The following EIPR1 variants were observed in gnomAD, a reference collection of about 807,000 sequenced individuals.
The protein encoded by EIPR1 is EARP complex and GARP complex interacting protein 1, also known as EARP and GARP complex-interacting protein 1.
In EIPR1, 25 loss-of-function variants were observed where a neutral mutation model predicts 48.1. The ratio of observed to expected loss-of-function variants is 0.52; its 90% CI spans 0.38 to 0.73. The LOEUF (loss-of-function observed/expected upper bound fraction) is 0.73. Among genes scored for constraint, EIPR1 ranks in the 30% least tolerant of loss-of-function variants. The pLI is 0.00. For missense variants in EIPR1, 415 were observed against 506.2 expected, an observed-to-expected ratio of 0.82 and a Z score of 1.73; for synonymous variants, 204 against 201.9, an observed-to-expected ratio of 1.01 and a Z score of -0.09.
chr2:3,268,263 G>A lies in EIPR1; in HGVS notation c.260-10808C>T, dbSNP rs145507792. 2.0e-5 allele frequency among the ~76,000 whole-genome samples: 3 copies of A among 152,318 alleles called. No individual in the cohort carries two copies. The East Asian group carries it at 5.8e-4, about 29-fold the overall frequency. On this transcript the variant is annotated intron_variant, in intron 3 of 8. Transcript: ENST00000382125. Reference sequence around the variant, plus strand: ...GGTTCCCTCTGAAGGCACCTGTGGGGCCTATCTGCACCCTGTCTATAGCCC... The same window carrying A: ...GGTTCCCTCTGAAGGCACCTGTGGGACCTATCTGCACCCTGTCTATAGCCC...
intron 3 of EIPR1, among the ~76,000 whole-genome samples, chr2:3,292,839 CAG>C (rs1668409864): frequency 6.9e-6 from 1 of 144,300 alleles, no homozygotes. Flanking sequence ...AGATATGAGA[CAG>C]AGAGCAAAAA....
intron 4 of EIPR1, chr2:3,214,541 G>A (rs968023018): frequency 1.2e-5 from 3 of 240,882 alleles, no homozygotes; most frequent in Admixed American, 5.5e-5. Context: ...CCTCACATCC[G>A]TCGTAAGTTT....
intron 3 of EIPR1, among the ~76,000 whole-genome samples, chr2:3,285,587 A>G (rs1423733783): frequency 6.6e-6 from 1 of 152,256 alleles, no homozygotes; most frequent in Non-Finnish European, 1.5e-5. Context: ...GGCAAAGCTC[A>G]GGAGGCACTG....
chr2:3,346,573 C>T (rs1670408848), intron 2 of EIPR1, among the ~76,000 whole-genome samples: 1 of 152,110 alleles, frequency 6.6e-6, no homozygotes, highest in African/African-American at 2.4e-5. Flanking sequence ...TCAGGGATCG[C>T]AAGGTGTCAA....
chr2:3,196,831 T>G (rs774704153), intron 6 of EIPR1, 50 bp downstream of exon 6: 14 of 1,602,238 alleles, frequency 8.7e-6, no homozygotes, highest in African/African-American at 1.3e-5. Flanking sequence ...CCGGTTCTGC[T>G]CGGTGAGGGA....
intron 3 of EIPR1, among the ~76,000 whole-genome samples, chr2:3,277,059 C>A (rs1269680233): frequency 1.3e-5 from 2 of 152,162 alleles, no homozygotes; most frequent in East Asian, 3.8e-4. Context: ...CAGGAAAACT[C>A]GGGTGAATGT....
chr2:3,318,499 G>A (rs1350946899), intron 3 of EIPR1, among the ~76,000 whole-genome samples: 2 of 152,184 alleles, frequency 1.3e-5, no homozygotes, highest in African/African-American at 4.8e-5. Context: ...TGAGGACAGA[G>A]AGATGATACA....
intron 3 of EIPR1, among the ~76,000 whole-genome samples, chr2:3,317,160 G>T (rs1487678228): frequency 6.6e-6 from 1 of 151,588 alleles, no homozygotes; most frequent in Non-Finnish European, 1.5e-5. Context: ...ATGAGGCACT[G>T]ACCAAGCTGA....
intron 4 of EIPR1, among the ~76,000 whole-genome samples, chr2:3,216,434 G>A (rs972590797): frequency 6.6e-6 from 1 of 152,154 alleles, no homozygotes; most frequent in Non-Finnish European, 1.5e-5. Flanking sequence ...CGCAGTGTAC[G>A]TCAGCACCAA....
At chr2:3,219,841 A>G (rs1665810230) in intron 4 of EIPR1, among the ~76,000 whole-genome samples, 2 of 152,142 alleles carry the variant, frequency 1.3e-5, no homozygotes, top group Non-Finnish European at 2.9e-5. Context: ...GTCCATGCAC[A>G]TGATGGCCCC....
At chr2:3,218,912 G>A (rs1665753580) in intron 4 of EIPR1, among the ~76,000 whole-genome samples, 3 of 145,438 alleles carry the variant, frequency 2.1e-5, no homozygotes, top group East Asian at 4.4e-4. Flanking sequence ...ACCCAACACG[G>A]CCCCGATACG....
At chr2:3,341,854 C>T (rs565388266) in intron 2 of EIPR1, among the ~76,000 whole-genome samples, 14 of 151,990 alleles carry the variant, frequency 9.2e-5, no homozygotes, top group South Asian at 2.1e-4. Context: ...CAGGCAGAAA[C>T]GCATTAGAAT....
At chr2:3,336,357 C>T (rs1204261317) in intron 3 of EIPR1, among the ~76,000 whole-genome samples, 3 of 152,162 alleles carry the variant, frequency 2.0e-5, no homozygotes, top group Admixed American at 1.3e-4. Flanking sequence ...AGGAGGCTCT[C>T]GGACCCCCAA....
intron 3 of EIPR1, among the ~76,000 whole-genome samples, chr2:3,297,360 C>A (rs1668633488): frequency 6.6e-6 from 1 of 152,248 alleles, no homozygotes; most frequent in African/African-American, 2.4e-5. Context: ...CAGCCATTCA[C>A]ATCTTACACC....
intron 2 of EIPR1, among the ~76,000 whole-genome samples, chr2:3,343,868 G>A (rs1381818581): frequency 1.3e-5 from 2 of 152,010 alleles, no homozygotes; most frequent in Admixed American, 6.6e-5. Flanking sequence ...TTTCATCTGC[G>A]CTTCTAAACT....
At chr2:3,234,442 C>G (rs537514372) in intron 4 of EIPR1, among the ~76,000 whole-genome samples, 1 of 152,104 alleles carries the variant, frequency 6.6e-6, no homozygotes, top group South Asian at 2.1e-4. Context: ...GGGACACCCA[C>G]GTGGGAGGAC....
rs758669392 is a variant in EIPR1 at position 3,252,608 on chromosome 2, C to CA, written c.416+4690dup. Among the ~76,000 whole-genome samples the CA allele has an allele frequency of 2.0e-4, 30 of 152,114 alleles. No individual in the cohort carries two copies. The Middle Eastern group carries it at 0.01, about 52-fold the overall frequency. On this transcript the variant is annotated intron_variant, in intron 4 of 8. Coordinates refer to ENST00000382125, the MANE Select transcript of EIPR1 (RefSeq NM_003310.5). ...TCCATCTCCAAAACAAAAACAAAAACAAAAAATTGGGCAAAATGGCAAGAA... is the reference window on the plus strand; with the variant it reads ...TCCATCTCCAAAACAAAAACAAAAACAAAAAAATTGGGCAAAATGGCAAGAA...
intron 4 of EIPR1, among the ~76,000 whole-genome samples, chr2:3,227,659 T>C (rs1901901): frequency 0.91 from 139,218 of 152,278 alleles, 64,136 homozygotes; most frequent in East Asian, 0.98. Flanking sequence ...GAGACCTTCA[T>C]GGAAGCTGCT....
chr2:3,339,724 G>A (rs963841953), intron 2 of EIPR1, among the ~76,000 whole-genome samples: 18 of 152,172 alleles, frequency 1.2e-4, no homozygotes, highest in Admixed American at 1.0e-3. Context: ...CGAGGCGGGC[G>A]GATCACCTGA....
Sources: allele counts gnomAD v4.1 joint callset (sites outside exome capture counted in the v4.1 genomes callset), GRCh38; gene constraint gnomAD v4.1.1; transcripts MANE v1.5; gene names NCBI Gene and HGNC (gene_info 2026-07-23, HGNC 2026-07-21).